Variants in NRXN3 observed in about 807,000 individuals in gnomAD.
The protein encoded by NRXN3 is neurexin 3, also known as neurexin III.
In NRXN3, 32 loss-of-function variants were observed where a neutral mutation model predicts 137.6. That is an observed-to-expected ratio of 0.23 (90% confidence interval 0.18 to 0.31). The LOEUF is 0.31. Ranked by LOEUF, NRXN3 falls within the 10% of genes least tolerant of loss-of-function variation. The pLI is 1.00. For missense variants in NRXN3, 1,574 were observed against 2,062.5 expected (o/e 0.76, Z 4.59); for synonymous variants, 798 against 784.5 (o/e 1.02, Z -0.29).
intron 2 of NRXN3, among the ~76,000 whole-genome samples, chr14:78,267,562 G>C (rs559749083): frequency 1.2e-4 from 18 of 152,270 alleles, no homozygotes; most frequent in African/African-American, 4.3e-4. Flanking sequence ...GCCAGGCATG[G>C]TGGCCATGTG....
intron 16 of NRXN3, among the ~76,000 whole-genome samples, chr14:79,553,218 T>C (rs575640070): frequency 2.0e-5 from 3 of 152,088 alleles, no homozygotes; most frequent in Admixed American, 2.0e-4. Context: ...GATTGTAATA[T>C]AAAGGGCTAA....
intron 15 of NRXN3, among the ~76,000 whole-genome samples, chr14:79,105,371 A>G (rs2052215931): frequency 6.6e-6 from 1 of 152,210 alleles, no homozygotes; most frequent in Admixed American, 6.6e-5. Flanking sequence ...AGCTTTCTGC[A>G]TAAAAGAGTA....
At chr14:79,690,921 A>G (rs73329962) in intron 17 of NRXN3, among the ~76,000 whole-genome samples, 28,836 of 151,988 alleles carry the variant, frequency 0.19, 4,177 homozygotes, top group African/African-American at 0.41. Flanking sequence ...TTTCCAAGCC[A>G]CCTGGTTTGA....
At chr14:79,123,693 T>A (rs1269157802) in intron 15 of NRXN3, among the ~76,000 whole-genome samples, 12 of 152,122 alleles carry the variant, frequency 7.9e-5, no homozygotes. Flanking sequence ...GATGTGAAAA[T>A]GGACAGAAGG....
chr14:79,533,432 C>A (rs1452608902), intron 16 of NRXN3, among the ~76,000 whole-genome samples: 2 of 152,072 alleles, frequency 1.3e-5, no homozygotes, highest in African/African-American at 4.8e-5. Context: ...TTTTGACTAC[C>A]GACAGTTATG....
At chr14:79,837,300 A>T (rs66489508) in intron 20 of NRXN3, among the ~76,000 whole-genome samples, 246 of 1,892 alleles carry the variant, frequency 0.13, no homozygotes, top group East Asian at 0.26. Flanking sequence ...ATTTTTTTTT[A>T]AAAAAACCGT....
At position 79,757,409 on chromosome 14, in the gene NRXN3, C is replaced by T. The variant is rs191958777; in HGVS notation, c.4015-47703C>T. Among the ~76,000 whole-genome samples the T allele has an allele frequency of 1.0e-3, 154 of 152,152 alleles. 1 individual carries two copies. Among genetic ancestry groups the T allele is most frequent in the African/African-American group, 3.3e-3 (139 of 41,518 alleles). ...CAGAAAAGCCCAAACAGAAGCAGGG[C>T]GTTGTCTAATCACTGATGGGTTTCC... is the stretch of plus-strand genomic sequence containing the variant. On this transcript the variant is annotated intron_variant, in intron 19 of 20. Coordinates refer to ENST00000335750, the MANE Select transcript of NRXN3 (RefSeq NM_001330195.2).
chr14:78,203,092 T>C (rs2061830015), intron 1 of NRXN3, among the ~76,000 whole-genome samples: 1 of 152,214 alleles, frequency 6.6e-6, no homozygotes, highest in Non-Finnish European at 1.5e-5. Context: ...CCTTTCTCTT[T>C]ACACATGAGA....
intron 16 of NRXN3, among the ~76,000 whole-genome samples, chr14:79,488,317 A>G (rs2096676757): frequency 6.6e-6 from 1 of 152,232 alleles, no homozygotes; most frequent in Non-Finnish European, 1.5e-5. Flanking sequence ...AACTTGTGAC[A>G]GTTTTTTTAT....
At chr14:78,533,904 C>T (rs2096502239) in intron 4 of NRXN3, among the ~76,000 whole-genome samples, 1 of 152,120 alleles carries the variant, frequency 6.6e-6, no homozygotes, top group Non-Finnish European at 1.5e-5. Context: ...ATACTCAGTA[C>T]ATCATTTTTT....
chr14:79,026,458 C>T (rs2099598188), intron 15 of NRXN3, among the ~76,000 whole-genome samples: 1 of 152,040 alleles, frequency 6.6e-6, no homozygotes. Flanking sequence ...TTTCCCTCTT[C>T]CATTTGAGGC....
intron 19 of NRXN3, among the ~76,000 whole-genome samples, chr14:79,792,954 TC>T (rs2099149887): frequency 1.3e-5 from 2 of 152,150 alleles, no homozygotes; most frequent in African/African-American, 4.8e-5. Context: ...CCCAGAATTC[TC>T]AGAGGTGGAA....
At chr14:79,268,415 GT>G (rs1383655101) in intron 15 of NRXN3, among the ~76,000 whole-genome samples, 1 of 152,186 alleles carries the variant, frequency 6.6e-6, no homozygotes, top group Admixed American at 6.5e-5. Flanking sequence ...CAGTATGGTA[GT>G]TCTGCTTCTC....
At chr14:78,971,533 C>T (rs2099440618) in intron 14 of NRXN3, among the ~76,000 whole-genome samples, 2 of 151,890 alleles carry the variant, frequency 1.3e-5, no homozygotes, top group Admixed American at 1.3e-4. Flanking sequence ...CTTTAAGATC[C>T]CTAGGTAGTA....
rs1247685941 is a variant in NRXN3 at position 79,715,604 on chromosome 14, G to A, written c.4014+17667G>A. On this transcript the variant is annotated intron_variant, in intron 19 of 20. Transcript: ENST00000335750. ...TGCTGTGTGGACAGATCTGGATAGAGTTAAAAAGATAATAAAGCAAGTGTA... is the reference window on the plus strand; with the variant it reads ...TGCTGTGTGGACAGATCTGGATAGAATTAAAAAGATAATAAAGCAAGTGTA... Among the ~76,000 whole-genome samples, 6 of 152,224 alleles carry A rather than the reference G, an allele frequency of 3.9e-5. No individual in the cohort carries two copies. In the South Asian group the frequency reaches 1.2e-3, roughly 31 times the overall value.
chr14:78,200,692 AT>A (rs1275574430), intron 1 of NRXN3, among the ~76,000 whole-genome samples: 2 of 152,196 alleles, frequency 1.3e-5, no homozygotes, highest in African/African-American at 4.8e-5. Context: ...TTATTATATA[AT>A]TAAAAGTGTG....
At position 79,477,540 on chromosome 14, in the gene NRXN3, C is replaced by T. The variant is rs181665583; in HGVS notation, c.3444+10138C>T. Among the ~76,000 whole-genome samples, 274 of 152,176 alleles carry T rather than the reference C, an allele frequency of 1.8e-3. 2 individuals carry two copies. Among genetic ancestry groups the T allele is most frequent in the African/African-American group, 6.2e-3 (258 of 41,524 alleles). ...TAGCCATGTTCTTGTGTTTTCTTCC[C>T]AGGTACTTTAGGGACATAGTGTAGA... On this transcript the variant is annotated intron_variant, in intron 16 of 20. Coordinates refer to ENST00000335750, the MANE Select transcript of NRXN3 (RefSeq NM_001330195.2).
intron 1 of NRXN3, among the ~76,000 whole-genome samples, chr14:78,232,635 C>T (rs1336017175): frequency 1.3e-5 from 2 of 152,312 alleles, no homozygotes; most frequent in African/African-American, 2.4e-5. Flanking sequence ...CTCCTTTTCC[C>T]TCTCCATTTT....
At chr14:79,429,007 G>A (rs532378221) in intron 15 of NRXN3, among the ~76,000 whole-genome samples, 1 of 152,226 alleles carries the variant, frequency 6.6e-6, no homozygotes, top group African/African-American at 2.4e-5. Context: ...AGTGATCTCT[G>A]GGAAGATGTT....
Sources: allele counts gnomAD v4.1 joint callset (sites outside exome capture counted in the v4.1 genomes callset), GRCh38; gene constraint gnomAD v4.1.1; transcripts MANE v1.5; gene names NCBI Gene and HGNC (gene_info 2026-07-23, HGNC 2026-07-21).